Variants in CAAP1 observed in about 807,000 individuals in gnomAD.
CAAP1 encodes conserved anti-apoptotic protein.
In CAAP1, 20 loss-of-function variants were observed where a neutral mutation model predicts 34.0. The ratio of observed to expected loss-of-function variants is 0.59; its 90% CI spans 0.41 to 0.86. The LOEUF is 0.86. CAAP1 is among the 40% of genes least tolerant of loss of function. The probability of loss-of-function intolerance (pLI) is 0.00; values close to 1 mark genes in which losing one functional copy is unlikely to be tolerated. For synonymous variants in CAAP1, 213 were observed against 166.7 expected (o/e 1.28, Z -2.14); for missense variants, 538 against 450.5 (o/e 1.19, Z -1.76).
chr9:26,885,630 TGTGA>T (rs1459935628), intron 3 of CAAP1, among the ~76,000 whole-genome samples: 1 of 151,956 alleles, frequency 6.6e-6, no homozygotes, highest in African/African-American at 2.4e-5. Context: ...ATTCTAGAGG[TGTGA>T]GTATCACCAA....
intron 4 of CAAP1, among the ~76,000 whole-genome samples, chr9:26,877,573 T>C (rs1300394425): frequency 6.6e-6 from 1 of 152,208 alleles, no homozygotes. Context: ...GGAGCAAGGG[T>C]TCAATTTCAG....
At chr9:26,875,391 T>C (rs1823403737) in intron 4 of CAAP1, among the ~76,000 whole-genome samples, 1 of 151,930 alleles carries the variant, frequency 6.6e-6, no homozygotes, top group African/African-American at 2.4e-5. Context: ...GTCTCAAAAT[T>C]GGGCAACAGA....
intron 5 of CAAP1, among the ~76,000 whole-genome samples, chr9:26,855,322 G>T (rs73643109): frequency 0.01 from 1,567 of 152,242 alleles, 28 homozygotes; most frequent in African/African-American, 0.036. Flanking sequence ...TCAGGAGTTG[G>T]GGGGGAGAGA....
At chr9:26,846,116 C>A (rs192382108) in intron 5 of CAAP1, among the ~76,000 whole-genome samples, 1 of 151,740 alleles carries the variant, frequency 6.6e-6, no homozygotes, top group African/African-American at 2.4e-5. Context: ...TTCCAAGACT[C>A]AAGAAAGAGT....
rs1413321259 is a variant in CAAP1 at position 26,886,141 on chromosome 9, C to T, written c.552G>A (p.Glu184=). 6.4e-7 allele frequency: 1 copy of T among 1,555,890 alleles called. No individual in the cohort carries two copies. Among genetic ancestry groups the T allele is most frequent in the Non-Finnish European group, 8.7e-7 (1 of 1,155,832 alleles). Residue 184 remains glutamate, a synonymous_variant, in exon 3 of 6, where the codon GAG becomes GAA. Coordinates refer to ENST00000333916, the MANE Select transcript of CAAP1 (RefSeq NM_024828.4). ...TCAAAATTTTTTTTTCAGACAGGAG[C>T]TCTAACTGTTCCTGGCATAGTTTTT... ...EIKKLCQEQL[E]LLSEKKILKI... is the part of the protein sequence containing the mutation.
intron 4 of CAAP1, among the ~76,000 whole-genome samples, chr9:26,874,124 G>A (rs1041752862): frequency 1.3e-5 from 2 of 148,168 alleles, no homozygotes; most frequent in Non-Finnish European, 3.0e-5. Flanking sequence ...GGAGAATGGC[G>A]TGAACCCGGG....
chr9:26,876,612 T>TA (rs945093037), intron 4 of CAAP1, among the ~76,000 whole-genome samples: 1 of 152,064 alleles, frequency 6.6e-6, no homozygotes, highest in African/African-American at 2.4e-5. Flanking sequence ...CATAAATACT[T>TA]ACCACTGTAC....
At chr9:26,851,439 TA>T (rs1263952711) in intron 5 of CAAP1, among the ~76,000 whole-genome samples, 1 of 151,876 alleles carries the variant, frequency 6.6e-6, no homozygotes, top group African/African-American at 2.4e-5. Flanking sequence ...TGAGAATATA[TA>T]AAAAAAGGCA....
intron 5 of CAAP1, among the ~76,000 whole-genome samples, chr9:26,846,434 AAAAAAGAAG>A (rs1484150281): frequency 2.5e-4 from 38 of 149,254 alleles, no homozygotes; most frequent in African/African-American, 7.0e-4. Flanking sequence ...AAAAAAAAAA[AAAAAAGAAG>A]AAGAAAAAAA....
chr9:26,846,841 C>T (rs915883307), intron 5 of CAAP1, among the ~76,000 whole-genome samples: 2 of 151,986 alleles, frequency 1.3e-5, no homozygotes, highest in African/African-American at 4.8e-5. Context: ...GCATGCGCCA[C>T]CATGCCTGGC....
intron 4 of CAAP1, among the ~76,000 whole-genome samples, chr9:26,869,399 T>C (rs1232855913): frequency 1.3e-5 from 2 of 152,192 alleles, no homozygotes; most frequent in African/African-American, 2.4e-5. Flanking sequence ...TATGGGGCCA[T>C]GGCCTTACCT....
chr9:26,859,016 A>G (rs1822943996), intron 5 of CAAP1, among the ~76,000 whole-genome samples: 1 of 150,884 alleles, frequency 6.6e-6, no homozygotes, highest in Non-Finnish European at 1.5e-5. Context: ...AAAAAAAAAA[A>G]GGTTAAAACT....
chr9:26,853,803 G>A (rs1822808742), intron 5 of CAAP1, among the ~76,000 whole-genome samples: 1 of 152,090 alleles, frequency 6.6e-6, no homozygotes, highest in Non-Finnish European at 1.5e-5. Flanking sequence ...AGGAGATAAG[G>A]GGAGTATACA....
intron 4 of CAAP1, among the ~76,000 whole-genome samples, chr9:26,876,523 C>G (rs1823436393): frequency 7.6e-6 from 1 of 131,044 alleles, no homozygotes; most frequent in Admixed American, 8.8e-5. Flanking sequence ...TATAAATGGT[C>G]ATGCTTCTGT....
chr9:26,889,727 G>A (rs1247456552), intron 1 of CAAP1, among the ~76,000 whole-genome samples: 2 of 151,558 alleles, frequency 1.3e-5, no homozygotes, highest in African/African-American at 4.9e-5. Context: ...CATTAACTGG[G>A]CGTTGTGGCA....
At chr9:26,884,659 C>T (rs1223194264) in intron 4 of CAAP1, 151 bp downstream of exon 4, 1 of 666,294 alleles carries the variant, frequency 1.5e-6, no homozygotes, top group Non-Finnish European at 2.6e-6. Context: ...ACCAAAAGGA[C>T]CAATCATTAC....
intron 4 of CAAP1, among the ~76,000 whole-genome samples, chr9:26,868,377 A>G (rs1264073340): frequency 6.6e-6 from 1 of 152,218 alleles, no homozygotes. Flanking sequence ...ATGATGTGAT[A>G]TGCTCTGAAG....
intron 4 of CAAP1, among the ~76,000 whole-genome samples, chr9:26,876,722 A>G (rs1320197152): frequency 6.6e-6 from 1 of 152,196 alleles, no homozygotes; most frequent in Admixed American, 6.6e-5. Context: ...AGCAGGCTAT[A>G]GTTTAAGCAT....
intron 4 of CAAP1, chr9:26,880,657 G>A (rs1823570178): frequency 6.6e-6 from 1 of 152,398 alleles, no homozygotes; most frequent in South Asian, 2.1e-4. Flanking sequence ...TACAGCAGAA[G>A]TTGTGAAAAC....
Sources: gnomAD v4.1 joint callset for allele counts (sites outside exome capture counted in the v4.1 genomes callset) on GRCh38, gnomAD v4.1.1 for gene constraint, MANE v1.5 for transcripts, NCBI Gene and HGNC (gene_info 2026-07-23, HGNC 2026-07-21) for gene names.